Variants in TIAM1 observed in about 807,000 individuals in gnomAD.
TIAM1 encodes TIAM Rac1 associated GEF 1, also known as rho guanine nucleotide exchange factor TIAM1.
A neutral mutation model predicts 163.5 loss-of-function variants in TIAM1; 65 were observed. The observed-to-expected ratio is 0.40, with a 90% CI of 0.33 to 0.49. TIAM1 has a LOEUF of 0.49. TIAM1 is among the 20% of genes least tolerant of loss of function. TIAM1 has a pLI of 0.77. For synonymous variants in TIAM1, 833 were observed against 810.1 expected (o/e 1.03, Z -0.48); for missense variants, 1,789 against 2,044.7 (o/e 0.87, Z 2.41).
chr21:31,398,034 ATGTG>A (rs2077101607), intron 2 of TIAM1, among the ~76,000 whole-genome samples: 1 of 151,568 alleles, frequency 6.6e-6, no homozygotes, highest in Non-Finnish European at 1.5e-5. Context: ...ACATGGACCA[ATGTG>A]TTGGCTTCCC....
intron 12 of TIAM1, among the ~76,000 whole-genome samples, chr21:31,198,971 C>A (rs2086035070): frequency 6.6e-6 from 1 of 152,126 alleles, no homozygotes; most frequent in African/African-American, 2.4e-5. Flanking sequence ...AATGCAACCA[C>A]GATATCTGGA....
chr21:31,512,422 C>G (rs1000755596), intron 1 of TIAM1, among the ~76,000 whole-genome samples: 6 of 152,010 alleles, frequency 3.9e-5, no homozygotes, highest in African/African-American at 1.4e-4. Context: ...TTACTGTTGT[C>G]ACAACAGCAC....
At chr21:31,213,724 T>A (rs959811276) in intron 9 of TIAM1, among the ~76,000 whole-genome samples, 2 of 152,000 alleles carry the variant, frequency 1.3e-5, no homozygotes, top group African/African-American at 4.8e-5. Flanking sequence ...ATATGGATAA[T>A]TCATCTCTAC....
chr21:31,553,072 T>C (rs2048746866), intron 1 of TIAM1, among the ~76,000 whole-genome samples: 1 of 152,128 alleles, frequency 6.6e-6, no homozygotes, highest in African/African-American at 2.4e-5. Flanking sequence ...AGAACAGTAC[T>C]AGATAGAGTT....
rs145234685 is a variant in TIAM1 at position 31,320,441 on chromosome 21, A to T, written c.-189+18802T>A. Reference sequence around the variant, plus strand: ...GCTACAGTGGTAAATTTTATTATAGATATTTTATCAAATGCAAAAAATTCA... The same window carrying T: ...GCTACAGTGGTAAATTTTATTATAGTTATTTTATCAAATGCAAAAAATTCA... On this transcript the variant is annotated intron_variant, in intron 2 of 27. Coordinates refer to ENST00000541036, the MANE Select transcript of TIAM1 (RefSeq NM_001353694.2). Among the ~76,000 whole-genome samples the T allele has an allele frequency of 1.6e-4, 24 of 152,304 alleles. No individual in the cohort carries two copies. The East Asian group carries it at 3.7e-3, about 23-fold the overall frequency.
At chr21:31,198,900 G>A (rs2086031034) in intron 12 of TIAM1, among the ~76,000 whole-genome samples, 1 of 152,132 alleles carries the variant, frequency 6.6e-6, no homozygotes, top group South Asian at 2.1e-4. Context: ...CTAAAGCCAG[G>A]TTTAGTGAAC....
chr21:31,366,766 T>A (rs2076510887), intron 2 of TIAM1, among the ~76,000 whole-genome samples: 2 of 152,146 alleles, frequency 1.3e-5, no homozygotes, highest in Admixed American at 1.3e-4. Context: ...TACAGGCATG[T>A]GCCATCATGC....
rs141056561 is a variant in TIAM1 at position 31,408,337 on chromosome 21, C to T, written c.-369+55646G>A. 6.7e-3 allele frequency among the ~76,000 whole-genome samples: 1,017 copies of T among 152,282 alleles called. 15 individuals are homozygous for T. The highest frequency in any genetic ancestry group is 0.028 in the South Asian group (133 of 4,824). On this transcript the variant is annotated intron_variant, in intron 2 of 28. Coordinates refer to the TIAM1 transcript ENST00000286827. ...ATTTAGGTCACTGACATCAAGTGGT[C>T]ATCCTGATATCAAGGGGACAAGCCA...
At chr21:31,456,032 A>G (rs2147337981) in intron 2 of TIAM1, among the ~76,000 whole-genome samples, 1 of 152,338 alleles carries the variant, frequency 6.6e-6, no homozygotes, top group Non-Finnish European at 1.5e-5. Flanking sequence ...TCTTGAGATT[A>G]CACAGGAGAA....
At chr21:31,416,901 G>A (rs73902335) in intron 2 of TIAM1, among the ~76,000 whole-genome samples, 110 of 152,302 alleles carry the variant, frequency 7.2e-4, no homozygotes, top group African/African-American at 2.5e-3. Flanking sequence ...TCTTGGTGTG[G>A]GACCGAATCA....
At chr21:31,422,564 T>C (rs1174153480) in intron 2 of TIAM1, among the ~76,000 whole-genome samples, 3 of 152,014 alleles carry the variant, frequency 2.0e-5, no homozygotes, top group African/African-American at 4.8e-5. Flanking sequence ...TGAACATACA[T>C]ATAACAAAAA....
intron 2 of TIAM1, among the ~76,000 whole-genome samples, chr21:31,314,090 A>C (rs1166873213): frequency 1.3e-5 from 2 of 152,212 alleles, no homozygotes; most frequent in African/African-American, 4.8e-5. Flanking sequence ...TACATATAAA[A>C]GCTCATTCAG....
At chr21:31,213,057 T>C in intron 10 of TIAM1, 1 of 237,552 alleles carries the variant, frequency 4.2e-6, no homozygotes, top group Non-Finnish European at 8.1e-6. Flanking sequence ...AGAACACACC[T>C]CTTGGGAAGA....
chr21:31,465,952 C>T (rs1288209856), intron 1 of TIAM1, among the ~76,000 whole-genome samples: 1 of 152,156 alleles, frequency 6.6e-6, no homozygotes, highest in African/African-American at 2.4e-5. Flanking sequence ...GTGATCCGCC[C>T]GCCTCGGCCT....
chr21:31,448,620 A>AC (rs547617415), intron 2 of TIAM1, among the ~76,000 whole-genome samples: 301 of 151,060 alleles, frequency 2.0e-3, no homozygotes, highest in Non-Finnish European at 2.6e-3. Flanking sequence ...AAAAAAAAAA[A>AC]AAAAAACAAG....
At chr21:31,394,598 TGA>T in intron 2 of TIAM1, among the ~76,000 whole-genome samples, 1 of 151,596 alleles carries the variant, frequency 6.6e-6, no homozygotes, top group Non-Finnish European at 1.5e-5. Flanking sequence ...GGGCCAGGAG[TGA>T]GAGAGGAAGG....
intron 1 of TIAM1, among the ~76,000 whole-genome samples, chr21:31,497,259 C>G (rs1275686877): frequency 6.6e-6 from 1 of 152,170 alleles, no homozygotes; most frequent in Non-Finnish European, 1.5e-5. Flanking sequence ...ATATCCCAAG[C>G]GTTAAGCAAC....
rs1285962494 is a variant in TIAM1 at position 31,475,025 on chromosome 21, T to TTTTTATTATTATTA, written c.-421-10991_-421-10990insTAATAATAATAAAA. ...CATATAAGTTGCTGTGAGCTAGTTT[T>TTTTTATTATTATTA]TTATTATTATTATTATTATTATTAT... On this transcript the variant is annotated intron_variant, in intron 1 of 28. Coordinates refer to the TIAM1 transcript ENST00000286827. Among the ~76,000 whole-genome samples, 4 of 118,690 alleles carry TTTTTATTATTATTA rather than the reference T, an allele frequency of 3.4e-5. No individual in the cohort carries two copies. In the East Asian group the frequency reaches 8.7e-4, roughly 26 times the overall value. The allele number at this position is 118,690 out of a possible 152,430, so 77.9% of individuals were successfully genotyped here.
intron 12 of TIAM1, among the ~76,000 whole-genome samples, chr21:31,197,973 GGTCA>G (rs1354828664): frequency 6.6e-6 from 1 of 152,032 alleles, no homozygotes. Context: ...TACCCTCTTA[GGTCA>G]GTCAAAGGTT....
Sources: allele counts gnomAD v4.1 joint callset (sites outside exome capture counted in the v4.1 genomes callset), GRCh38; gene constraint gnomAD v4.1.1; transcripts MANE v1.5; gene names NCBI Gene and HGNC (gene_info 2026-07-23, HGNC 2026-07-21).